PDE4B: variants seen among roughly 807,000 people sequenced by gnomAD.
The protein encoded by PDE4B is phosphodiesterase 4B.
PDE4B carries 20 observed loss-of-function variants against 82.2 expected under a neutral mutation model. The observed-to-expected ratio is 0.24, with a 90% CI of 0.17 to 0.35. PDE4B has a LOEUF of 0.35. PDE4B is among the 10% of genes least tolerant of loss of function. The pLI is 1.00. For synonymous variants in PDE4B, 320 were observed against 318.9 expected (o/e 1.00, Z -0.04); for missense variants, 655 against 907.2 (o/e 0.72, Z 3.57).
At chr1:66,219,800 A>G (rs483700) in intron 3 of PDE4B, among the ~76,000 whole-genome samples, 152,018 of 152,292 alleles carry the variant, frequency 1, 75,873 homozygotes, top group Non-Finnish European at 1. Context: ...TAGGGATGAA[A>G]ATGAGCCACA....
At chr1:66,367,162 A>G (rs937715180) in intron 13 of PDE4B, among the ~76,000 whole-genome samples, 1 of 152,214 alleles carries the variant, frequency 6.6e-6, no homozygotes, top group East Asian at 1.9e-4. Flanking sequence ...AATGTTTAGT[A>G]TCATATTAAT....
At chr1:65,944,932 T>C (rs1648630309) in intron 3 of PDE4B, among the ~76,000 whole-genome samples, 1 of 151,948 alleles carries the variant, frequency 6.6e-6, no homozygotes, top group Non-Finnish European at 1.5e-5. Context: ...TACCAGTAGA[T>C]GAATAAGCAA....
chr1:66,373,986 A>T lies in PDE4B; in HGVS notation c.*1308A>T, dbSNP rs1397807154. 6.6e-6 allele frequency: 1 copy of T among 152,636 alleles called. No individual in the cohort carries two copies. The highest frequency in any genetic ancestry group is 2.4e-5 in the African/African-American group (1 of 41,458). 9.5% of individuals were successfully genotyped at this position (152,636 alleles called of 1,614,324 possible). ...GTTTATACTGAGCTTTTACTTTTGT[A>T]TAGCTTGATAGGGGCAGGGGGCAAT... On this transcript the variant is annotated 3_prime_UTR_variant, in exon 17 of 17. Transcript: ENST00000341517.
intron 3 of PDE4B, among the ~76,000 whole-genome samples, chr1:66,184,626 T>A (rs1168965304): frequency 6.6e-6 from 1 of 152,128 alleles, no homozygotes; most frequent in Non-Finnish European, 1.5e-5. Flanking sequence ...AATTTAGCCT[T>A]CTTCACGTGC....
chr1:65,824,198 T>C (rs1162478510), intron 1 of PDE4B, among the ~76,000 whole-genome samples: 1 of 152,186 alleles, frequency 6.6e-6, no homozygotes, highest in East Asian at 1.9e-4. Context: ...TCAAGGTCAA[T>C]AACTGAGTCT....
chr1:66,370,243 A>G (rs951816750), intron 16 of PDE4B, among the ~76,000 whole-genome samples: 87 of 151,904 alleles, frequency 5.7e-4, no homozygotes, highest in African/African-American at 2.1e-3. Context: ...AACATTGTTA[A>G]TGAGGGTTAA....
At chr1:66,086,492 ACT>A (rs1471463730) in intron 3 of PDE4B, among the ~76,000 whole-genome samples, 1 of 151,910 alleles carries the variant, frequency 6.6e-6, no homozygotes, top group African/African-American at 2.4e-5. Context: ...GATAGCCCAC[ACT>A]CTCTTATTTT....
At chr1:65,961,807 T>C (rs1649554946) in intron 3 of PDE4B, among the ~76,000 whole-genome samples, 1 of 151,992 alleles carries the variant, frequency 6.6e-6, no homozygotes, top group South Asian at 2.1e-4. Context: ...ATCAGTTCCT[T>C]AAGGAAGGAG....
chr1:66,237,076 A>G (rs886612449), intron 3 of PDE4B, among the ~76,000 whole-genome samples: 2 of 152,198 alleles, frequency 1.3e-5, no homozygotes, highest in African/African-American at 4.8e-5. Flanking sequence ...TAGCTTTTCT[A>G]TGCTTTACTG....
At chr1:66,159,440 G>T (rs942041341) in intron 3 of PDE4B, among the ~76,000 whole-genome samples, 30 of 151,426 alleles carry the variant, frequency 2.0e-4, no homozygotes, top group Non-Finnish European at 3.2e-4. Context: ...TACAGAAGGG[G>T]TTTCACCATG....
intron 13 of PDE4B, 197 bp from the exon 14 acceptor site, chr1:66,367,499 C>A: frequency 2.0e-6 from 1 of 500,952 alleles, no homozygotes; most frequent in Non-Finnish European, 3.5e-6. Context: ...GCTTATACAC[C>A]AGTAGAAGCA....
chr1:66,019,056 A>T (rs952033566), intron 3 of PDE4B, among the ~76,000 whole-genome samples: 2 of 152,190 alleles, frequency 1.3e-5, no homozygotes, highest in Non-Finnish European at 2.9e-5. Context: ...ATTTAAATTC[A>T]TCCTGATATG....
rs567987386 is a variant in PDE4B at position 66,367,198 on chromosome 1, T to C, written c.1385-498T>C. Among the ~76,000 whole-genome samples, 6 of 152,310 alleles carry C rather than the reference T, an allele frequency of 3.9e-5. No homozygotes were observed. The South Asian group carries it at 1.2e-3, about 32-fold the overall frequency. ...AGAAAGCTCTAAAAAGTGACAGTATTTGGGTAAAATGAAGTTTTACATCAA... is the reference window on the plus strand; with the variant it reads ...AGAAAGCTCTAAAAAGTGACAGTATCTGGGTAAAATGAAGTTTTACATCAA... On this transcript the variant is annotated intron_variant, in intron 13 of 16. Transcript: ENST00000341517.
chr1:66,021,537 C>G (rs1653114402), intron 3 of PDE4B, among the ~76,000 whole-genome samples: 1 of 152,204 alleles, frequency 6.6e-6, no homozygotes, highest in Non-Finnish European at 1.5e-5. Flanking sequence ...CTATATATCG[C>G]TAGGCAGTTT....
Position 66,247,641 on chromosome 1 carries a change from C to T in PDE4B, c.463C>T (p.Leu155Phe). 1 of 1,588,802 alleles carries T rather than the reference C, an allele frequency of 6.3e-7. No individual in the cohort carries two copies. Among genetic ancestry groups the T allele is most frequent in the Non-Finnish European group, 8.6e-7 (1 of 1,166,638 alleles). Residue 155 changes from leucine to phenylalanine, a missense_variant, in exon 4 of 17, where the codon CTT becomes TTT. Transcript: ENST00000341517. ...AAAGGCGATGTCGAGAAACTCTTCTCTTCCAAGCGAGCAGTAAGTACAAGC... is the reference window on the plus strand; with the variant it reads ...AAAGGCGATGTCGAGAAACTCTTCTTTTCCAAGCGAGCAGTAAGTACAAGC... ...SPKAMSRNSS[L>F]PSEQHGDDLI...
chr1:65,841,870 A>G (rs990952975), intron 1 of PDE4B, among the ~76,000 whole-genome samples: 5 of 152,168 alleles, frequency 3.3e-5, no homozygotes, highest in Admixed American at 6.5e-5. Context: ...TTCTACCCTG[A>G]TTGAATAATT....
intron 3 of PDE4B, among the ~76,000 whole-genome samples, chr1:65,945,095 C>A (rs765412872): frequency 6.6e-6 from 1 of 151,988 alleles, no homozygotes; most frequent in East Asian, 1.9e-4. Context: ...GACTCCCTGC[C>A]CATGTGTTCT....
At chr1:65,845,594 A>G (rs1415240199) in intron 1 of PDE4B, among the ~76,000 whole-genome samples, 2 of 152,136 alleles carry the variant, frequency 1.3e-5, no homozygotes, top group Non-Finnish European at 2.9e-5. Context: ...ATGTGGGCGG[A>G]ATGAAGGAAT....
At chr1:66,146,011 A>G (rs993564480) in intron 3 of PDE4B, among the ~76,000 whole-genome samples, 1 of 152,162 alleles carries the variant, frequency 6.6e-6, no homozygotes, top group African/African-American at 2.4e-5. Flanking sequence ...CAGGACAGGA[A>G]GGCATTTGAC....
Sources: allele counts gnomAD v4.1 joint callset (sites outside exome capture counted in the v4.1 genomes callset), GRCh38; gene constraint gnomAD v4.1.1; transcripts MANE v1.5; gene names NCBI Gene and HGNC (gene_info 2026-07-23, HGNC 2026-07-21).